CYTIP: variants seen among roughly 807,000 people sequenced by gnomAD.
The protein encoded by CYTIP is cytohesin 1 interacting protein.
In CYTIP, 26 loss-of-function variants were observed where a neutral mutation model predicts 43.8. The ratio of observed to expected loss-of-function variants is 0.59; its 90% CI spans 0.44 to 0.82. The LOEUF is 0.82. Ranked by LOEUF, CYTIP falls within the 40% of genes least tolerant of loss-of-function variation. CYTIP has a pLI of 0.00. For missense variants in CYTIP, 426 were observed against 443.1 expected (o/e 0.96, Z 0.35); for synonymous variants, 162 against 162.9 (o/e 0.99, Z 0.04).
At chr2:157,434,317 C>A in intron 3 of CYTIP, 53 bp downstream of exon 3, 1 of 1,361,750 alleles carries the variant, frequency 7.3e-7, no homozygotes, top group South Asian at 1.2e-5. Context: ...TAACATGACA[C>A]TACCGGTGCC....
intron 5 of CYTIP, among the ~76,000 whole-genome samples, chr2:157,428,995 T>C (rs1337857107): frequency 2.0e-5 from 3 of 152,342 alleles, no homozygotes; most frequent in South Asian, 4.1e-4. Context: ...TTACCAGTTA[T>C]GTGACCTTAA....
chr2:157,430,964 T>A lies in CYTIP; in HGVS notation c.280-2A>T. 1 of 1,600,116 alleles carries A rather than the reference T, an allele frequency of 6.2e-7. No individual in the cohort carries two copies. The highest frequency in any genetic ancestry group is 8.5e-7 in the Non-Finnish European group (1 of 1,175,654). ...ATTCTGATTCTGGGGCCTGTAAGAC[T>A]GTAAAAATTAAGATGATATATAGTT... On this transcript the variant is annotated splice_acceptor_variant, in intron 3 of 7. Coordinates refer to ENST00000264192, the MANE Select transcript of CYTIP (RefSeq NM_004288.5). LOFTEE classifies it high-confidence loss of function.
At position 157,415,693 on chromosome 2, in the gene CYTIP, T is replaced by C; in HGVS notation, c.1064A>G (p.Glu355Gly). The change falls in exon 8 of 8, where the codon GAA becomes GGA. Residue 355 changes from glutamate (E) to glycine (G), a missense_variant. Coordinates refer to ENST00000264192, the MANE Select transcript of CYTIP (RefSeq NM_004288.5). The stretch of plus-strand genomic sequence containing the variant: ...CACAATCCGTCAAAAGCGACTTTCT[T>C]CCTCTTCCACAGCACGATGAAGGCC... ...IPGLHRAVEE[E>G]ESRF 5 of 1,608,202 alleles carry C rather than the reference T, an allele frequency of 3.1e-6. No homozygotes were observed. Among genetic ancestry groups the C allele is most frequent in the Non-Finnish European group, 4.3e-6 (5 of 1,176,294 alleles).
chr2:157,430,002 G>A (rs1255936448), intron 5 of CYTIP, among the ~76,000 whole-genome samples: 9 of 141,644 alleles, frequency 6.4e-5, no homozygotes, highest in African/African-American at 2.1e-4. Flanking sequence ...CATCCAGGGC[G>A]ACAGAGCGAG....
At chr2:157,433,288 T>A (rs1209893688) in intron 3 of CYTIP, among the ~76,000 whole-genome samples, 1 of 152,192 alleles carries the variant, frequency 6.6e-6, no homozygotes, top group African/African-American at 2.4e-5. Flanking sequence ...GTTACTGTGG[T>A]GAATTACAGA....
chr2:157,415,552 G>T lies in CYTIP; in HGVS notation c.*125C>A. 1.5e-6 allele frequency: 1 copy of T among 652,500 alleles called. No homozygotes were observed. Among genetic ancestry groups the T allele is most frequent in the Non-Finnish European group, 2.7e-6 (1 of 368,898 alleles). The allele number at this position is 652,500 out of a possible 1,614,324, so 40.4% of individuals were successfully genotyped here. On this transcript the variant is annotated 3_prime_UTR_variant, in exon 8 of 8. Coordinates refer to ENST00000264192, the MANE Select transcript of CYTIP (RefSeq NM_004288.5). ...CTATAACACAACAATTTAAATAAAGGTCACTATTGCTGTGAAATGGGATGT... is the reference window on the plus strand; with the variant it reads ...CTATAACACAACAATTTAAATAAAGTTCACTATTGCTGTGAAATGGGATGT...
chr2:157,416,963 T>TTGTG (rs987691963), intron 7 of CYTIP, among the ~76,000 whole-genome samples: 8 of 151,068 alleles, frequency 5.3e-5, no homozygotes, highest in East Asian at 1.9e-4. Context: ...GGTTGGTATC[T>TTGTG]TGTGTGTGTG....
chr2:157,429,877 G>C (rs1306667823), intron 5 of CYTIP, among the ~76,000 whole-genome samples: 1 of 151,978 alleles, frequency 6.6e-6, no homozygotes, highest in Non-Finnish European at 1.5e-5. Context: ...CAAAAAATTA[G>C]CCGGGCATGG....
chr2:157,418,275 G>C (rs964939554), intron 7 of CYTIP, among the ~76,000 whole-genome samples: 3 of 152,152 alleles, frequency 2.0e-5, no homozygotes, highest in Admixed American at 2.0e-4. Context: ...CCAGGTGCCT[G>C]TTTTCGAGCA....
chr2:157,423,131 C>T (rs777946462), intron 6 of CYTIP, among the ~76,000 whole-genome samples: 9 of 151,922 alleles, frequency 5.9e-5, no homozygotes, highest in African/African-American at 9.7e-5. Flanking sequence ...AAGATCTACA[C>T]GGTATAAATT....
intron 2 of CYTIP, 52 bp downstream of exon 2, chr2:157,434,646 G>C (rs990559411): frequency 7.3e-7 from 1 of 1,367,216 alleles, no homozygotes; most frequent in African/African-American, 1.4e-5. Context: ...AGTCTGGAGA[G>C]CTATGTTCCT....
In CYTIP at chr2:157,415,782, A is replaced by C; in HGVS notation, c.975T>G (p.Phe325Leu). Residue 325 changes from phenylalanine (F) to leucine (L), a missense_variant, in exon 8 of 8, where the codon TTT (phenylalanine) becomes TTG (leucine). Transcript: ENST00000264192. ...TTCTGCTCTTCCGGGGCAGGGTCCC[A>C]AACATGCTTGATAAGTTGCCCTCCC... ...PLWEGNLSSMFGTLPRKSRKG... is the reference protein window; with the variant it reads ...PLWEGNLSSMLGTLPRKSRKG... The C allele has an allele frequency of 6.2e-7, 1 of 1,614,250 alleles. No individual in the cohort carries two copies. Among genetic ancestry groups the C allele is most frequent in the South Asian group, 1.1e-5 (1 of 91,090 alleles).
chr2:157,423,191 A>C (rs1252125345), intron 6 of CYTIP, among the ~76,000 whole-genome samples: 1 of 152,146 alleles, frequency 6.6e-6, no homozygotes, highest in Non-Finnish European at 1.5e-5. Context: ...GTAGATCAAT[A>C]AGGACAAAAG....
intron 6 of CYTIP, among the ~76,000 whole-genome samples, chr2:157,427,014 G>A (rs924981289): frequency 4.6e-5 from 7 of 152,132 alleles, no homozygotes; most frequent in Non-Finnish European, 1.0e-4. Context: ...ACACACTTGG[G>A]AAAATAATGA....
chr2:157,440,534 T>C (rs893564926), intron 1 of CYTIP, among the ~76,000 whole-genome samples: 4 of 152,152 alleles, frequency 2.6e-5, no homozygotes, highest in Admixed American at 2.0e-4. Context: ...TTCAGGACAA[T>C]TGGGAGTTAC....
intron 6 of CYTIP, among the ~76,000 whole-genome samples, chr2:157,425,369 C>G (rs1162240811): frequency 1.3e-5 from 2 of 152,052 alleles, no homozygotes; most frequent in Non-Finnish European, 2.9e-5. Flanking sequence ...GCAAACATAT[C>G]AAAACGAACA....
At chr2:157,441,282 T>C (rs1326184103) in intron 1 of CYTIP, among the ~76,000 whole-genome samples, 2 of 152,216 alleles carry the variant, frequency 1.3e-5, no homozygotes, top group Admixed American at 6.5e-5. Flanking sequence ...AATGGGTGAT[T>C]ATTCTCTAAA....
chr2:157,436,345 A>T (rs1210316409), intron 1 of CYTIP, among the ~76,000 whole-genome samples: 1 of 152,144 alleles, frequency 6.6e-6, no homozygotes, highest in Non-Finnish European at 1.5e-5. Flanking sequence ...CACAAACTTG[A>T]TATTTCCAAG....
In CYTIP at chr2:157,426,620, T is replaced by C. The variant is rs554701624; in HGVS notation, c.546+731A>G. Among the ~76,000 whole-genome samples, 5 of 152,294 alleles carry C rather than the reference T, an allele frequency of 3.3e-5. No homozygotes were observed. The South Asian group carries it at 1.0e-3, about 32-fold the overall frequency. ...AAGTAAACTACAATCTCTGCTCAGATTGGCTACCTGGTTGCTCTGCAAGGG... is the reference window on the plus strand; with the variant it reads ...AAGTAAACTACAATCTCTGCTCAGACTGGCTACCTGGTTGCTCTGCAAGGG... On this transcript the variant is annotated intron_variant, in intron 6 of 7. Coordinates refer to ENST00000264192, the MANE Select transcript of CYTIP (RefSeq NM_004288.5).
Sources: gnomAD v4.1 joint callset for allele counts (sites outside exome capture counted in the v4.1 genomes callset) on GRCh38, gnomAD v4.1.1 for gene constraint, MANE v1.5 for transcripts, NCBI Gene and HGNC (gene_info 2026-07-23, HGNC 2026-07-21) for gene names.